Variants in FGF12 observed in about 807,000 individuals in gnomAD.
The protein encoded by FGF12 is fibroblast growth factor 12B.
A neutral mutation model predicts 23.6 loss-of-function variants in FGF12; 14 were observed. The observed-to-expected ratio is 0.59, with a 90% confidence interval of 0.39 to 0.93. FGF12 has a LOEUF of 0.93. FGF12 is among the 40% of genes least tolerant of loss of function. The pLI, the probability that FGF12 is intolerant of heterozygous loss-of-function variation, is 0.00. For missense variants in FGF12, 175 were observed against 217.8 expected (o/e 0.80, Z 1.24); for synonymous variants, 62 against 77.3 (o/e 0.80, Z 1.04).
rs1252979541 is a variant in FGF12 at position 192,633,706 on chromosome 3, T to C, written c.13+93475A>G. On this transcript the variant is annotated intron_variant, in intron 2 of 5. Coordinates refer to ENST00000445105, the MANE Select transcript of FGF12 (RefSeq NM_004113.6). Reference sequence around the variant, plus strand: ...TCATTCAACTTCTTTTAATTTACAATAATCAGCACAGGATTAACTATCTGT... The same window carrying C: ...TCATTCAACTTCTTTTAATTTACAACAATCAGCACAGGATTAACTATCTGT... Among the ~76,000 whole-genome samples the C allele has an allele frequency of 2.0e-5, 3 of 152,154 alleles. No homozygotes were observed. In the East Asian group the frequency reaches 5.8e-4, roughly 29 times the overall value.
chr3:192,462,846 G>C (rs1722901816), intron 2 of FGF12, among the ~76,000 whole-genome samples: 1 of 152,116 alleles, frequency 6.6e-6, no homozygotes, highest in South Asian at 2.1e-4. Flanking sequence ...GATTTATAAT[G>C]TAAGAAATTT....
intron 4 of FGF12, among the ~76,000 whole-genome samples, chr3:192,227,216 ACT>A (rs1381267746): frequency 2.0e-5 from 3 of 152,148 alleles, no homozygotes; most frequent in Non-Finnish European, 2.9e-5. Context: ...AAGTCTTACT[ACT>A]CTGTTTCCTC....
chr3:192,688,055 C>A (rs893781449), intron 2 of FGF12, among the ~76,000 whole-genome samples: 2 of 152,120 alleles, frequency 1.3e-5, no homozygotes, highest in Non-Finnish European at 2.9e-5. Context: ...ATGCCTTCAG[C>A]CAGCCGCCAC....
At chr3:192,460,920 T>G (rs1722844719) in intron 2 of FGF12, among the ~76,000 whole-genome samples, 1 of 152,136 alleles carries the variant, frequency 6.6e-6, no homozygotes, top group Non-Finnish European at 1.5e-5. Flanking sequence ...TGCCATACGG[T>G]ACTGCTAAGT....
intron 4 of FGF12, among the ~76,000 whole-genome samples, chr3:192,197,246 A>G (rs1394386532): frequency 6.6e-6 from 1 of 152,154 alleles, no homozygotes. Flanking sequence ...CGGTGCCTAC[A>G]TGAAACTCTA....
At chr3:192,644,520 C>T (rs559883576) in intron 2 of FGF12, among the ~76,000 whole-genome samples, 2 of 152,280 alleles carry the variant, frequency 1.3e-5, no homozygotes, top group East Asian at 3.9e-4. Flanking sequence ...ATTGATTCAA[C>T]AAATGTTACC....
intron 2 of FGF12, among the ~76,000 whole-genome samples, chr3:192,666,095 A>AAACAATAGCTCTCAATTTGAT (rs1237248741): frequency 7.2e-5 from 11 of 152,230 alleles, no homozygotes; most frequent in Admixed American, 5.2e-4. Flanking sequence ...ACATACCCCA[A>AAACAATAGCTCTCAATTTGAT]AACAATAGCT....
chr3:192,406,340 T>C (rs1489098732), intron 2 of FGF12, among the ~76,000 whole-genome samples: 1 of 151,916 alleles, frequency 6.6e-6, no homozygotes, highest in Non-Finnish European at 1.5e-5. Context: ...TAGGATCAAC[T>C]CAAAAACGTC....
intron 2 of FGF12, among the ~76,000 whole-genome samples, chr3:192,543,633 G>C (rs367618467): frequency 1.3e-5 from 2 of 151,738 alleles, no homozygotes; most frequent in East Asian, 2.0e-4. Flanking sequence ...CCTGAAGCCA[G>C]CATGTCTTTG....
chr3:192,726,693 T>C (rs551556911), intron 2 of FGF12, among the ~76,000 whole-genome samples: 3 of 152,126 alleles, frequency 2.0e-5, no homozygotes, highest in Non-Finnish European at 4.4e-5. Flanking sequence ...ATATTCAAAA[T>C]GCAGTAGGAT....
At chr3:192,339,396 T>C (rs1441523140) in intron 3 of FGF12, among the ~76,000 whole-genome samples, 8 of 152,120 alleles carry the variant, frequency 5.3e-5, no homozygotes, top group Admixed American at 1.3e-4. Flanking sequence ...CCTTGCATCC[T>C]CTTAAGCCAT....
chr3:192,688,350 T>C (rs1256615362), intron 2 of FGF12, among the ~76,000 whole-genome samples: 1 of 151,938 alleles, frequency 6.6e-6, no homozygotes, highest in Admixed American at 6.6e-5. Context: ...CATCCCTCTA[T>C]AACCACCCCC....
intron 2 of FGF12, among the ~76,000 whole-genome samples, chr3:192,627,880 T>TGTGTGTGTGTG: frequency 8.1e-6 from 1 of 122,734 alleles, no homozygotes; most frequent in Non-Finnish European, 1.9e-5. Context: ...GTGTGTGTGT[T>TGTGTGTGTGTG]TAGTTATATA....
chr3:192,330,958 T>TG (rs1717084204), intron 4 of FGF12, among the ~76,000 whole-genome samples: 1 of 152,094 alleles, frequency 6.6e-6, no homozygotes, highest in African/African-American at 2.4e-5. Context: ...ATCATATATC[T>TG]GATAAGGGCT....
At chr3:192,332,474 T>A (rs1353288938) in intron 4 of FGF12, among the ~76,000 whole-genome samples, 1 of 152,102 alleles carries the variant, frequency 6.6e-6, no homozygotes, top group African/African-American at 2.4e-5. Context: ...GATACATCAA[T>A]AATCTCATCA....
intron 2 of FGF12, among the ~76,000 whole-genome samples, chr3:192,401,356 G>A (rs1720752416): frequency 6.6e-6 from 1 of 152,208 alleles, no homozygotes; most frequent in Non-Finnish European, 1.5e-5. Flanking sequence ...ACAGATGATT[G>A]TGGATATATC....
At chr3:192,167,488 C>T (rs1715233669) in intron 5 of FGF12, among the ~76,000 whole-genome samples, 3 of 151,836 alleles carry the variant, frequency 2.0e-5, no homozygotes, top group African/African-American at 7.3e-5. Context: ...AGCCAAGGCC[C>T]TACCAATTGG....
At chr3:192,158,425 T>C (rs149426034) in intron 5 of FGF12, among the ~76,000 whole-genome samples, 9,979 of 134,122 alleles carry the variant, frequency 0.074, 908 homozygotes, top group African/African-American at 0.17. Flanking sequence ...CTCTTTCTTT[T>C]TCTTTTTTCT....
chr3:192,466,213 G>A lies in FGF12; in HGVS notation c.14-105675C>T, dbSNP rs571798864. 3.9e-5 allele frequency among the ~76,000 whole-genome samples: 6 copies of A among 152,112 alleles called. No individual in the cohort carries two copies. In the South Asian group the frequency reaches 1.2e-3, roughly 32 times the overall value. ...ACATATCTAAACACAGAAAACATACGGTAAAAATAAGGTATTATAACATTA... is the reference window on the plus strand; with the variant it reads ...ACATATCTAAACACAGAAAACATACAGTAAAAATAAGGTATTATAACATTA... On this transcript the variant is annotated intron_variant, in intron 2 of 5. Transcript: ENST00000445105.
Sources: allele counts gnomAD v4.1 joint callset (sites outside exome capture counted in the v4.1 genomes callset), GRCh38; gene constraint gnomAD v4.1.1; transcripts MANE v1.5; gene names NCBI Gene and HGNC (gene_info 2026-07-23, HGNC 2026-07-21).